ARHGEF4: variants seen among roughly 807,000 people sequenced by gnomAD.
ARHGEF4 encodes the protein Rho guanine nucleotide exchange factor 4.
In ARHGEF4, 119 loss-of-function variants were observed where a neutral mutation model predicts 162.0. The observed-to-expected ratio is 0.73, with a 90% CI of 0.63 to 0.86. ARHGEF4 has a LOEUF of 0.86. ARHGEF4 is among the 40% of genes least tolerant of loss of function. The pLI is 0.00. For synonymous variants in ARHGEF4, 1,014 were observed against 979.9 expected (o/e 1.03, Z -0.65); for missense variants, 2,488 against 2,456.0 (o/e 1.01, Z -0.28).
intron 1 of ARHGEF4, among the ~76,000 whole-genome samples, chr2:130,904,994 G>A (rs544846775): frequency 1.4e-3 from 220 of 152,308 alleles, no homozygotes; most frequent in Non-Finnish European, 2.7e-3. Flanking sequence ...CACGAGAATC[G>A]CTTGAACATC....
rs148871506 is a variant in ARHGEF4 at position 130,848,961 on chromosome 2, G to A, written c.39+11969G>A. The stretch of plus-strand genomic sequence containing the variant: ...GGCTAAGCGGGCCCTGGGCACCTCG[G>A]ATCCTCCATCCCAGCCATGCTAGTT... On this transcript the variant is annotated intron_variant, in intron 1 of 13. Transcript: ENST00000409359. Among the ~76,000 whole-genome samples the A allele has an allele frequency of 1.3e-3, 202 of 152,254 alleles. 5 individuals carry two copies. In the East Asian group the frequency reaches 0.028, roughly 21 times the overall value.
intron 1 of ARHGEF4, among the ~76,000 whole-genome samples, chr2:130,906,844 A>G (rs1022030311): frequency 2.6e-5 from 4 of 152,198 alleles, no homozygotes; most frequent in Non-Finnish European, 5.9e-5. Context: ...GTCAGTCTAT[A>G]GTCCATCTTG....
At chr2:131,030,487 G>A (rs1394360348) in intron 5 of ARHGEF4, among the ~76,000 whole-genome samples, 4 of 152,200 alleles carry the variant, frequency 2.6e-5, no homozygotes, top group South Asian at 2.1e-4. Context: ...TTGCCTTAAC[G>A]TTTAGGGCGC....
intron 4 of ARHGEF4, among the ~76,000 whole-genome samples, chr2:130,959,428 G>A (rs1172189778): frequency 6.6e-6 from 1 of 152,208 alleles, no homozygotes; most frequent in Non-Finnish European, 1.5e-5. Context: ...TGAGTGGCGA[G>A]CACTGGAACC....
chr2:131,020,056 T>C (rs1689013801), intron 4 of ARHGEF4, among the ~76,000 whole-genome samples: 1 of 152,244 alleles, frequency 6.6e-6, no homozygotes, highest in East Asian at 1.9e-4. Context: ...TCTGTAGCCT[T>C]GCTGAATTTT....
At chr2:130,979,734 T>TAAA (rs776769283) in intron 4 of ARHGEF4, among the ~76,000 whole-genome samples, 2,226 of 92,420 alleles carry the variant, frequency 0.024, 73 homozygotes, top group Admixed American at 0.057. Context: ...AGACTCCATC[T>TAAA]AAAAAAAAAA....
intron 1 of ARHGEF4, among the ~76,000 whole-genome samples, chr2:130,886,345 G>C (rs1679518425): frequency 6.6e-6 from 1 of 151,496 alleles, no homozygotes. Flanking sequence ...AATGAATCAA[G>C]TGTTACTTTC....
chr2:130,916,684 A>G lies in ARHGEF4; in HGVS notation c.2738A>G (p.His913Arg). The G allele has an allele frequency of 7.1e-6, 11 of 1,550,670 alleles. No homozygotes were observed. Among genetic ancestry groups the G allele is most frequent in the South Asian group, 4.8e-5 (4 of 84,066 alleles). Residue 913 changes from histidine (H) to arginine (R), a missense_variant, in exon 2 of 14, where the codon CAT becomes CGT. By Grantham distance (29) the His-to-Arg change is conservative (BLOSUM62 0). This residue lies in a region of ARHGEF4 where 1,642 missense variants were observed against 1,481.5 expected (regional missense o/e 1.11). Transcript: ENST00000409359. ...CTCAGGGCAAGGTTGGCCTTGGCTCATAAGACCTTTTCAAACTTTATTGAG... is the reference window on the plus strand; with the variant it reads ...CTCAGGGCAAGGTTGGCCTTGGCTCGTAAGACCTTTTCAAACTTTATTGAG... ...KKLRARLALAHKTFSNFIESI... is the reference protein window; with the variant it reads ...KKLRARLALARKTFSNFIESI...
At chr2:130,989,447 A>C (rs1192718621) in intron 4 of ARHGEF4, among the ~76,000 whole-genome samples, 1 of 152,200 alleles carries the variant, frequency 6.6e-6, no homozygotes, top group African/African-American at 2.4e-5. Context: ...TGTTGTGTTT[A>C]TGTTAGGAAA....
At chr2:130,977,375 G>T (rs529336052) in intron 4 of ARHGEF4, among the ~76,000 whole-genome samples, 1 of 151,628 alleles carries the variant, frequency 6.6e-6, no homozygotes, top group Admixed American at 6.6e-5. Context: ...ATTGTGTTGC[G>T]TATGTTGTGT....
intron 1 of ARHGEF4, among the ~76,000 whole-genome samples, chr2:130,889,542 G>A (rs1181544122): frequency 6.6e-6 from 1 of 151,870 alleles, no homozygotes; most frequent in Non-Finnish European, 1.5e-5. Context: ...GCTGGGCGTG[G>A]TGGCTCAAAC....
intron 1 of ARHGEF4, among the ~76,000 whole-genome samples, chr2:130,876,259 C>T (rs902953409): frequency 6.6e-6 from 1 of 152,202 alleles, no homozygotes; most frequent in Admixed American, 6.5e-5. Context: ...AGGACGCTGC[C>T]TGACAGGCAG....
chr2:130,866,475 C>A lies in ARHGEF4; in HGVS notation c.39+29483C>A, dbSNP rs116659311. On this transcript the variant is annotated intron_variant, in intron 1 of 13. Coordinates refer to ENST00000409359, the MANE Select transcript of ARHGEF4 (RefSeq NM_001367493.1). ...GCTACTTCCATGCTATGTTATGTGGCAAAGGGACTTCTCACTAGGATGCAT... is the reference window on the plus strand; with the variant it reads ...GCTACTTCCATGCTATGTTATGTGGAAAAGGGACTTCTCACTAGGATGCAT... Among the ~76,000 whole-genome samples, 1,056 of 152,286 alleles carry A rather than the reference C, an allele frequency of 6.9e-3. 11 individuals carry two copies. Among genetic ancestry groups the A allele is most frequent in the African/African-American group, 0.024 (977 of 41,554 alleles).
rs145484003 is a variant in ARHGEF4, at chr2:131,032,596, G to A, written c.4125+4512G>A. ...TTGGGGCCACTGCTGCCACTTTTGCGCAGGGCTGCAAGGTCACCTGGTGGC... is the reference window on the plus strand; with the variant it reads ...TTGGGGCCACTGCTGCCACTTTTGCACAGGGCTGCAAGGTCACCTGGTGGC... On this transcript the variant is annotated intron_variant, in intron 5 of 13. Transcript: ENST00000409359. Among the ~76,000 whole-genome samples the A allele has an allele frequency of 5.4e-3, 828 of 151,962 alleles. 6 individuals carry two copies. Among genetic ancestry groups the A allele is most frequent in the African/African-American group, 0.018 (748 of 41,480 alleles).
chr2:130,913,549 C>T (rs897345528), intron 1 of ARHGEF4, among the ~76,000 whole-genome samples: 4 of 151,974 alleles, frequency 2.6e-5, no homozygotes, highest in Non-Finnish European at 4.4e-5. Flanking sequence ...TCTAGCAAAC[C>T]AAACTCAGAA....
Position 130,946,895 on chromosome 2 carries a change from G to A in ARHGEF4, c.3985+260G>A, listed in dbSNP as rs534367595. ...AAGCAGGCGGATCACTTGAGGTCAGGAGCTCAAGACCAGCCTGGGCAACAT... is the reference window on the plus strand; with the variant it reads ...AAGCAGGCGGATCACTTGAGGTCAGAAGCTCAAGACCAGCCTGGGCAACAT... On this transcript the variant is annotated intron_variant, in intron 4 of 13. Transcript: ENST00000409359. The A allele has an allele frequency of 6.3e-5, 22 of 347,198 alleles. No individual in the cohort carries two copies. In the East Asian group the frequency reaches 1.3e-3, roughly 21 times the overall value. The allele number at this position is 347,198 out of a possible 1,614,324, so 21.5% of individuals were successfully genotyped here.
chr2:131,043,254 G>C (rs1041920920), intron 10 of ARHGEF4, among the ~76,000 whole-genome samples, 198 bp from the exon 11 acceptor site: 2 of 152,164 alleles, frequency 1.3e-5, no homozygotes, highest in African/African-American at 2.4e-5. Flanking sequence ...ACTGGTGACA[G>C]GGGGCTCCTA....
chr2:130,838,593 G>A (rs1680372557), intron 1 of ARHGEF4, among the ~76,000 whole-genome samples: 1 of 151,908 alleles, frequency 6.6e-6, no homozygotes. Context: ...GTGATAGAGC[G>A]AGACTCCGTC....
chr2:130,914,762 A>G lies in ARHGEF4; in HGVS notation c.816A>G (p.Glu272=), dbSNP rs1353409284. The stretch of plus-strand genomic sequence containing the variant: ...CTCTGGGGACCAGGACAAAGAAGGA[A>G]AGTACTCTAGGCCCTGCAGGGGACA... ...TAPLGTRTKK[E]STLGPAGDTE... The change falls in exon 2 of 14, where the codon GAA becomes GAG. Residue 272 remains glutamate, a synonymous_variant. Transcript: ENST00000409359. 1.1e-5 allele frequency: 16 copies of G among 1,428,026 alleles called. No homozygotes were observed. The highest frequency in any genetic ancestry group is 1.1e-5 in the Non-Finnish European group (12 of 1,096,650). 88.5% of individuals were successfully genotyped at this position (1,428,026 alleles called of 1,614,324 possible).
Sources: allele counts gnomAD v4.1 joint callset (sites outside exome capture counted in the v4.1 genomes callset), GRCh38; gene constraint gnomAD v4.1.1; regional missense constraint gnomAD v4.1.1; transcripts MANE v1.5; gene names NCBI Gene and HGNC (gene_info 2026-07-23, HGNC 2026-07-21).